Variants in NCOA2 observed in about 807,000 individuals in gnomAD.
NCOA2 encodes nuclear receptor coactivator 2, also known as class E basic helix-loop-helix protein 75.
In NCOA2, 21 loss-of-function variants were observed where a neutral mutation model predicts 145.1. The observed-to-expected ratio is 0.14, with a 90% CI of 0.10 to 0.21. The LOEUF (loss-of-function observed/expected upper bound fraction) is 0.21, where lower values mean the gene tolerates loss of function less well. Ranked by LOEUF, NCOA2 falls within the 10% of genes least tolerant of loss-of-function variation. NCOA2 has a pLI of 1.00. For synonymous variants in NCOA2, 619 were observed against 637.5 expected (o/e 0.97, Z 0.44); for missense variants, 1,472 against 1,837.6 (o/e 0.80, Z 3.64).
chr8:70,288,321 G>A (rs912678614), intron 2 of NCOA2, among the ~76,000 whole-genome samples: 24 of 152,248 alleles, frequency 1.6e-4, no homozygotes, highest in African/African-American at 5.8e-4. Context: ...GCTCATGCCT[G>A]TAATCTCAGC....
At chr8:70,214,842 CA>C (rs1316092668) in intron 3 of NCOA2, among the ~76,000 whole-genome samples, 2 of 152,012 alleles carry the variant, frequency 1.3e-5, no homozygotes, top group Non-Finnish European at 2.9e-5. Context: ...TTCTCAAGTG[CA>C]AAGGGGGGCC....
intron 1 of NCOA2, among the ~76,000 whole-genome samples, chr8:70,313,654 A>C (rs1411856047): frequency 6.6e-6 from 1 of 152,244 alleles, no homozygotes; most frequent in African/African-American, 2.4e-5. Context: ...AATTAACAAC[A>C]GAGTAAGTTA....
chr8:70,177,632 A>C (rs2132855281), intron 4 of NCOA2, among the ~76,000 whole-genome samples: 1 of 152,318 alleles, frequency 6.6e-6, no homozygotes, highest in Non-Finnish European at 1.5e-5. Flanking sequence ...CTTAAATAAC[A>C]ATCTTATCTT....
At chr8:70,141,730 G>A (rs377129631) in intron 13 of NCOA2, among the ~76,000 whole-genome samples, 1 of 152,130 alleles carries the variant, frequency 6.6e-6, no homozygotes, top group South Asian at 2.1e-4. Context: ...TGATATACAC[G>A]TCAATGCTTT....
At chr8:70,360,873 G>T (rs939845656) in intron 1 of NCOA2, among the ~76,000 whole-genome samples, 2 of 146,476 alleles carry the variant, frequency 1.4e-5, no homozygotes, top group Non-Finnish European at 3.0e-5. Flanking sequence ...GGGAGAAGGA[G>T]ATTACAGTGA....
At chr8:70,451,742 C>A in the NCOA2 span, among the ~76,000 whole-genome samples, 1 of 152,168 alleles carries the variant, frequency 6.6e-6, no homozygotes, top group Non-Finnish European at 1.5e-5. Flanking sequence ...CACGATCCTC[C>A]ACAGGTAGGT....
chr8:70,451,125 G>A, the NCOA2 span, among the ~76,000 whole-genome samples: 1 of 147,988 alleles, frequency 6.8e-6, no homozygotes, highest in African/African-American at 2.5e-5. Context: ...GGCTGAGGCA[G>A]GAGAATGGTG....
At chr8:70,275,901 G>C (rs990855097) in intron 2 of NCOA2, among the ~76,000 whole-genome samples, 1 of 152,188 alleles carries the variant, frequency 6.6e-6, no homozygotes, top group Admixed American at 6.5e-5. Flanking sequence ...TAAAGGCTAT[G>C]TAGCTGGTAG....
rs527903292 is a variant in NCOA2, at chr8:70,113,446, A to T, written c.*186T>A. 1.6e-6 allele frequency: 1 copy of T among 621,628 alleles called. No homozygotes were observed. The highest frequency in any genetic ancestry group is 1.8e-5 in the African/African-American group (1 of 54,308). 38.5% of individuals were successfully genotyped at this position (621,628 alleles called of 1,614,324 possible). Reference sequence around the variant, plus strand: ...GATGCGAGCTTCAGACTGTCAAGAGAAGAGGCAGCTCCTCCTGCCACAGCC... The same window carrying T: ...GATGCGAGCTTCAGACTGTCAAGAGTAGAGGCAGCTCCTCCTGCCACAGCC... On this transcript the variant is annotated 3_prime_UTR_variant, in exon 23 of 23. Transcript: ENST00000452400.
chr8:70,333,367 T>C (rs532917866), intron 1 of NCOA2, among the ~76,000 whole-genome samples: 2 of 152,276 alleles, frequency 1.3e-5, no homozygotes, highest in African/African-American at 2.4e-5. Flanking sequence ...AGACTCCCAA[T>C]AGCAGCCACT....
chr8:70,236,077 G>T (rs1821579550), intron 2 of NCOA2, among the ~76,000 whole-genome samples: 1 of 152,052 alleles, frequency 6.6e-6, no homozygotes, highest in Non-Finnish European at 1.5e-5. Context: ...AATGCCCCAT[G>T]TGTAAGATGT....
At chr8:70,440,546 C>T in the NCOA2 span, among the ~76,000 whole-genome samples, 5 of 151,208 alleles carry the variant, frequency 3.3e-5, no homozygotes, top group South Asian at 6.2e-4. Flanking sequence ...GCACTTCAGC[C>T]TGGGTGGCAG....
intron 19 of NCOA2, among the ~76,000 whole-genome samples, chr8:70,125,137 C>T (rs1808273008): frequency 1.3e-5 from 2 of 152,108 alleles, no homozygotes; most frequent in African/African-American, 4.8e-5. Flanking sequence ...AGAAACAATG[C>T]TATTCTTTCT....
At chr8:70,453,672 C>T in the NCOA2 span, among the ~76,000 whole-genome samples, 1 of 152,190 alleles carries the variant, frequency 6.6e-6, no homozygotes, top group Non-Finnish European at 1.5e-5. Context: ...ATCTATTCTG[C>T]CTGAAATTGT....
At chr8:70,118,688 ATTTT>A (rs745330846) in intron 22 of NCOA2, among the ~76,000 whole-genome samples, 2 of 135,870 alleles carry the variant, frequency 1.5e-5, no homozygotes, top group Non-Finnish European at 1.6e-5. Context: ...CTGGGGGAGG[ATTTT>A]TTTTTTTTTT....
chr8:70,425,892 T>G, the NCOA2 span, among the ~76,000 whole-genome samples: 1 of 152,058 alleles, frequency 6.6e-6, no homozygotes, highest in Non-Finnish European at 1.5e-5. Flanking sequence ...CCAGCCTGAG[T>G]CTGGGTCCAC....
At chr8:70,375,408 G>A (rs1007562532) in intron 1 of NCOA2, among the ~76,000 whole-genome samples, 19 of 152,144 alleles carry the variant, frequency 1.2e-4, no homozygotes, top group African/African-American at 3.4e-4. Flanking sequence ...CAGGTGAGAT[G>A]GCTGTTTCAG....
At position 70,323,614 on chromosome 8, in the gene NCOA2, AG is replaced by A. The variant is rs533200285; in HGVS notation, c.-76-26815del. On this transcript the variant is annotated intron_variant, in intron 1 of 22. Transcript: ENST00000452400. ...CATTAAGTCCTTTGCTAATTATTGA[AG>A]GGGGGGAGATTATTGCCTGGGGATA... Among the ~76,000 whole-genome samples, 70 of 152,188 alleles carry A rather than the reference AG, an allele frequency of 4.6e-4. No homozygotes were observed. The East Asian group carries it at 6.4e-3, about 14-fold the overall frequency.
At chr8:70,418,103 C>T in the NCOA2 span, among the ~76,000 whole-genome samples, 1 of 152,306 alleles carries the variant, frequency 6.6e-6, no homozygotes, top group South Asian at 2.1e-4. Flanking sequence ...GATACTCCCT[C>T]CCATTTCTAC....
Sources: gnomAD v4.1 joint callset for allele counts (sites outside exome capture counted in the v4.1 genomes callset) on GRCh38, gnomAD v4.1.1 for gene constraint, MANE v1.5 for transcripts, NCBI Gene and HGNC (gene_info 2026-07-23, HGNC 2026-07-21) for gene names.